Variants in LMOD3 observed in about 807,000 individuals in gnomAD.
The protein encoded by LMOD3 is leiomodin-3.
LMOD3 carries 31 observed loss-of-function variants against 41.8 expected under a neutral mutation model. That is an observed-to-expected ratio of 0.74 (90% CI 0.56 to 1.00). The LOEUF (loss-of-function observed/expected upper bound fraction) is 1.00, where lower values mean the gene tolerates loss of function less well. Among genes scored for constraint, LMOD3 ranks in the 50% least tolerant of loss-of-function variants. The pLI, the probability that LMOD3 is intolerant of heterozygous loss-of-function variation, is 0.00. For missense variants in LMOD3, 755 were observed against 679.5 expected (o/e 1.11, Z -1.23); for synonymous variants, 292 against 241.9 (o/e 1.21, Z -1.92).
intron 2 of LMOD3, among the ~76,000 whole-genome samples, 182 bp from the exon 3 acceptor site, chr3:69,109,303 T>C (rs1319861665): frequency 6.6e-6 from 1 of 152,094 alleles, no homozygotes; most frequent in African/African-American, 2.4e-5. Context: ...TTATTAGACA[T>C]TTACTAATGC....
intron 1 of LMOD3, among the ~76,000 whole-genome samples, chr3:69,121,338 A>C (rs539051634): frequency 6.6e-6 from 1 of 152,366 alleles, no homozygotes; most frequent in South Asian, 2.1e-4. Context: ...CTTCAGAGTA[A>C]TTTAACAAGA....
At chr3:69,112,693 T>C (rs191770405) in intron 2 of LMOD3, among the ~76,000 whole-genome samples, 7 of 152,304 alleles carry the variant, frequency 4.6e-5, no homozygotes, top group Admixed American at 3.3e-4. Context: ...ACCATAGATG[T>C]CACCGAGTCG....
intron 2 of LMOD3, among the ~76,000 whole-genome samples, chr3:69,114,225 C>G (rs1674228070): frequency 6.6e-6 from 1 of 152,142 alleles, no homozygotes; most frequent in South Asian, 2.1e-4. Flanking sequence ...TGCTAGATAT[C>G]TGGATTTTTT....
intron 2 of LMOD3, among the ~76,000 whole-genome samples, chr3:69,116,186 TGCTGGGA>T (rs778410929): frequency 6.6e-6 from 1 of 152,154 alleles, no homozygotes; most frequent in Non-Finnish European, 1.5e-5. Flanking sequence ...AGAAACAGAG[TGCTGGGA>T]AGCAATCTGA....
rs2092400200 is a variant in LMOD3 at position 69,120,045 on chromosome 3, C to G, written c.310G>C (p.Glu104Gln). The change falls in exon 2 of 3, where the codon GAG becomes CAG. Residue 104 changes from glutamate (E) to glutamine (Q), a missense_variant. Glu to Gln is a conservative substitution (Grantham distance 29). Transcript: ENST00000420581. ...TTACGTTTTTCTATTTCTTCATGCT[C>G]TTCTTGAGTCTTTTCCTACAAGAGA... ...FVKSEEKTQE[E>Q]HEEIEKRNKN... 6.3e-7 allele frequency: 1 copy of G among 1,596,816 alleles called. No individual in the cohort carries two copies. The highest frequency in any genetic ancestry group is 8.5e-7 in the Non-Finnish European group (1 of 1,174,988).
At position 69,107,764 on chromosome 3, in the gene LMOD3, A is replaced by G. The variant is rs2092329931; in HGVS notation, c.*1331T>C. 6.6e-6 allele frequency: 1 copy of G among 152,030 alleles called. No individual in the cohort carries two copies. The highest frequency in any genetic ancestry group is 6.6e-5 in the Admixed American group (1 of 15,244). 9.4% of individuals were successfully genotyped at this position (152,030 alleles called of 1,614,324 possible). On this transcript the variant is annotated 3_prime_UTR_variant, in exon 3 of 3. Transcript: ENST00000420581. ...AGTGCTGGGATTACAGGCATGAGCC[A>G]CCGCACCTGGCCCAAAGCTTGATTT...
Position 69,118,811 on chromosome 3 carries a change from A to G in LMOD3, c.1544T>C (p.Ile515Thr). The change falls in exon 2 of 3, where the codon ATC becomes ACC. Residue 515 changes from isoleucine to threonine, a missense_variant. Physicochemically the swap from Ile to Thr is moderately conservative, Grantham distance 89 (BLOSUM62 -1). Coordinates refer to ENST00000420581, the MANE Select transcript of LMOD3 (RefSeq NM_198271.5). The part of the protein sequence containing the change: ...PPEKTNLKDV[I>T]KTLKPVPRNR... ...TCTCGGCACTGGCTTGAGCGTTTTG[A>G]TGACATCTTTGAGGTTGGTTTTCTC... 6.2e-7 allele frequency: 1 copy of G among 1,609,170 alleles called. No homozygotes were observed. The highest frequency in any genetic ancestry group is 8.5e-7 in the Non-Finnish European group (1 of 1,178,528).
In LMOD3 at chr3:69,107,830, A is replaced by C. The variant is rs1255452823; in HGVS notation, c.*1265T>G. The C allele has an allele frequency of 1.3e-5, 2 of 152,046 alleles. No individual in the cohort carries two copies. Among genetic ancestry groups the C allele is most frequent in the Non-Finnish European group, 2.9e-5 (2 of 68,020 alleles). The allele number at this position is 152,046 out of a possible 1,614,324, so 9.4% of individuals were successfully genotyped here. A position where few individuals can be genotyped will look rare whatever the true frequency, so the allele number is the denominator to read the frequency against. On this transcript the variant is annotated 3_prime_UTR_variant, in exon 3 of 3. Transcript: ENST00000420581. ...TCACACTACTTCTATTATTACAAAA[A>C]TCTCAAATTCTATGCACCTAGTGGC...
intron 2 of LMOD3, among the ~76,000 whole-genome samples, chr3:69,113,360 A>G (rs1415767077): frequency 6.6e-6 from 1 of 152,148 alleles, no homozygotes; most frequent in Non-Finnish European, 1.5e-5. Flanking sequence ...AGAGGAGAAA[A>G]TTTCCCATTA....
intron 1 of LMOD3, among the ~76,000 whole-genome samples, 153 bp downstream of exon 1, chr3:69,121,940 C>T (rs764938636): frequency 2.6e-5 from 4 of 152,076 alleles, no homozygotes; most frequent in Non-Finnish European, 5.9e-5. Context: ...AAGTTCCAGT[C>T]GGAGTAGGAT....
In LMOD3 at chr3:69,118,882, C is replaced by T. The variant is rs746986182; in HGVS notation, c.1473G>A (p.Lys491=). 5.0e-6 allele frequency: 8 copies of T among 1,611,262 alleles called. No homozygotes were observed. The highest frequency in any genetic ancestry group is 6.8e-6 in the Non-Finnish European group (8 of 1,179,392). ...DPDSFRVVKL[K]RIQRKSRMPE... Reference sequence around the variant, plus strand: ...GCATCCGAGATTTGCGCTGGATTCTCTTCAGCTTCACCACCCGGAAGGAGT... The same window carrying T: ...GCATCCGAGATTTGCGCTGGATTCTTTTCAGCTTCACCACCCGGAAGGAGT... The change falls in exon 2 of 3, where the codon AAG becomes AAA. Residue 491 remains lysine (K), a synonymous_variant. Coordinates refer to ENST00000420581, the MANE Select transcript of LMOD3 (RefSeq NM_198271.5).
intron 2 of LMOD3, among the ~76,000 whole-genome samples, chr3:69,110,861 T>A (rs1271378595): frequency 8.3e-4 from 102 of 122,340 alleles, no homozygotes; most frequent in East Asian, 7.9e-3. Flanking sequence ...AAAATATATA[T>A]ATATATATAT....
chr3:69,109,477 T>A (rs2092337993), intron 2 of LMOD3, among the ~76,000 whole-genome samples: 1 of 151,398 alleles, frequency 6.6e-6, no homozygotes, highest in African/African-American at 2.4e-5. Flanking sequence ...TAACAGTATC[T>A]AATTCACAAG....
rs1306800094 is a variant in LMOD3 at position 69,118,698 on chromosome 3, C to G, written c.1656+1G>C. 2 of 1,607,370 alleles carry G rather than the reference C, an allele frequency of 1.2e-6. No homozygotes were observed. The highest frequency in any genetic ancestry group is 1.7e-6 in the Non-Finnish European group (2 of 1,176,252). On this transcript the variant is annotated splice_donor_variant, in intron 2 of 2. Transcript: ENST00000420581. LOFTEE classifies it high-confidence loss of function. ...CACCATTTCTCCCTCCTTCTACTTA[C>G]AGGTTTAAGATAGGCGACACTGCTG...
intron 2 of LMOD3, among the ~76,000 whole-genome samples, chr3:69,113,507 G>A (rs1559659187): frequency 6.6e-6 from 1 of 152,218 alleles, no homozygotes; most frequent in Non-Finnish European, 1.5e-5. Flanking sequence ...GTAAACTTCA[G>A]TTCTGTAATC....
At position 69,108,370 on chromosome 3, in the gene LMOD3, A is replaced by G. The variant is rs937985293; in HGVS notation, c.*725T>C. The stretch of plus-strand genomic sequence containing the variant: ...TATATATGAAAACTTGCTGCCAGGA[A>G]GTTTTCATATATGCAGGGTTTACTT... On this transcript the variant is annotated 3_prime_UTR_variant, in exon 3 of 3. Transcript: ENST00000420581. The G allele has an allele frequency of 6.6e-6, 1 of 152,142 alleles. No individual in the cohort carries two copies. The highest frequency in any genetic ancestry group is 1.5e-5 in the Non-Finnish European group (1 of 68,026). The allele number at this position is 152,142 out of a possible 1,614,324, so 9.4% of individuals were successfully genotyped here.
chr3:69,110,608 C>T (rs540687428), intron 2 of LMOD3, among the ~76,000 whole-genome samples: 7 of 147,768 alleles, frequency 4.7e-5, no homozygotes, highest in South Asian at 4.4e-4. Context: ...TTTGGGAGGC[C>T]GAGGTGGGCG....
chr3:69,116,979 G>A (rs939027455), intron 2 of LMOD3, among the ~76,000 whole-genome samples: 1 of 152,166 alleles, frequency 6.6e-6, no homozygotes, highest in African/African-American at 2.4e-5. Context: ...TTTTCTGAAT[G>A]TACAGCCACC....
At chr3:69,109,206 C>T in intron 2 of LMOD3, 85 bp from the exon 3 acceptor site, 1 of 1,251,010 alleles carries the variant, frequency 8.0e-7, no homozygotes, top group Non-Finnish European at 1.1e-6. Context: ...AATTTACATG[C>T]CTTAAAAGAT....
Sources: allele counts gnomAD v4.1 joint callset (sites outside exome capture counted in the v4.1 genomes callset), GRCh38; gene constraint gnomAD v4.1.1; transcripts MANE v1.5; gene names NCBI Gene and HGNC (gene_info 2026-07-23, HGNC 2026-07-21).